Variants in PPP1R3A observed in about 807,000 individuals in gnomAD.
PPP1R3A encodes the protein protein phosphatase 1 regulatory subunit 3A.
In PPP1R3A, 29 loss-of-function variants were observed where a neutral mutation model predicts 41.7. The ratio of observed to expected loss-of-function variants is 0.70; its 90% CI spans 0.52 to 0.95. PPP1R3A has a LOEUF of 0.95. Ranked by LOEUF, PPP1R3A falls within the 40% of genes least tolerant of loss-of-function variation. The pLI is 0.00. For synonymous variants in PPP1R3A, 485 were observed against 453.4 expected (o/e 1.07, Z -0.89); for missense variants, 1,352 against 1,292.4 (o/e 1.05, Z -0.71).
intron 1 of PPP1R3A, among the ~76,000 whole-genome samples, chr7:113,884,021 A>G (rs780583649): frequency 1.2e-4 from 18 of 152,020 alleles, no homozygotes; most frequent in Non-Finnish European, 2.5e-4. Flanking sequence ...AGGGACAAGT[A>G]CAAATAAAAG....
chr7:113,918,161 T>G, intron 1 of PPP1R3A, 54 bp downstream of exon 1: 1 of 1,467,202 alleles, frequency 6.8e-7, no homozygotes, highest in Non-Finnish European at 9.2e-7. Context: ...AAATAAAGAA[T>G]GACATAAAAA....
chr7:113,878,103 A>T lies in PPP1R3A; in HGVS notation c.2989T>A (p.Phe997Ile). ...TCCACACTATACTCTTCTGTTTGGAAAATCTGGCCTATGCATCTTTCTTTT... is the reference window on the plus strand; with the variant it reads ...TCCACACTATACTCTTCTGTTTGGATAATCTGGCCTATGCATCTTTCTTTT... ...SRKERCIGQI[F>I]QTEEYSVEKS... Residue 997 changes from phenylalanine (F) to isoleucine (I), a missense_variant, in exon 4 of 4, where the codon TTC becomes ATC. Physicochemically the swap from Phe to Ile is conservative, Grantham distance 21 (BLOSUM62 0). Transcript: ENST00000284601. 1 of 1,613,408 alleles carries T rather than the reference A, an allele frequency of 6.2e-7. No homozygotes were observed. The highest frequency in any genetic ancestry group is 8.5e-7 in the Non-Finnish European group (1 of 1,179,664).
rs774031577 is a variant in PPP1R3A, at chr7:113,878,737, A to G, written c.2355T>C (p.Tyr785=). 6.2e-7 allele frequency: 1 copy of G among 1,613,426 alleles called. No homozygotes were observed. ...PHEGRNDDSH[Y]TLCQRDTVGV... is the part of the protein sequence containing the mutation. ...CTACTGTATCTCGTTGACAAAGGGT[A>G]TAATGTGAATCATCATTTCTCCCTT... is the stretch of plus-strand genomic sequence containing the variant. Residue 785 remains tyrosine (Y), a synonymous_variant, in exon 4 of 4, where the codon TAT becomes TAC. Transcript: ENST00000284601.
At position 113,918,844 on chromosome 7, in the gene PPP1R3A, G is replaced by C; in HGVS notation, c.153C>G (p.Asp51Glu). Reference protein sequence around the residue: ...PSRRGSDSSEDIYLDTPSSGT... With the variant: ...PSRRGSDSSEEIYLDTPSSGT... ...CTGAAGATGGGGTATCCAGGTATAT[G>C]TCTTCAGAAGAATCAGAACCTCGTC... Residue 51 changes from aspartate to glutamate, a missense_variant, in exon 1 of 4, where the codon GAC (aspartate) becomes GAG (glutamate). By Grantham distance (45) the Asp-to-Glu change is conservative. Coordinates refer to ENST00000284601, the MANE Select transcript of PPP1R3A (RefSeq NM_002711.4). The C allele has an allele frequency of 6.2e-7, 1 of 1,613,854 alleles. No individual in the cohort carries two copies.
In PPP1R3A at chr7:113,890,663, T is replaced by C. The variant is rs185917238; in HGVS notation, c.783-8343A>G. On this transcript the variant is annotated intron_variant, in intron 1 of 3. Coordinates refer to ENST00000284601, the MANE Select transcript of PPP1R3A (RefSeq NM_002711.4). ...AGGAAAGAAGAAACACATTGTAGAATAGACCAATCATCATCTGTGACTTAC... is the reference window on the plus strand; with the variant it reads ...AGGAAAGAAGAAACACATTGTAGAACAGACCAATCATCATCTGTGACTTAC... Among the ~76,000 whole-genome samples the C allele has an allele frequency of 2.8e-4, 42 of 152,192 alleles. No homozygotes were observed. In the East Asian group the frequency reaches 7.4e-3, roughly 27 times the overall value.
At chr7:113,899,750 T>A (rs1277730499) in intron 1 of PPP1R3A, among the ~76,000 whole-genome samples, 4 of 151,838 alleles carry the variant, frequency 2.6e-5, no homozygotes, top group African/African-American at 9.7e-5. Context: ...GTCTTTGTAG[T>A]TGGATCTGGG....
At chr7:113,892,344 G>T (rs1796905930) in intron 1 of PPP1R3A, among the ~76,000 whole-genome samples, 2 of 151,992 alleles carry the variant, frequency 1.3e-5, no homozygotes, top group African/African-American at 4.8e-5. Flanking sequence ...TTTTCCAAGG[G>T]TAAATAATTA....
chr7:113,911,526 A>C (rs1343306997), intron 1 of PPP1R3A, among the ~76,000 whole-genome samples: 2 of 152,114 alleles, frequency 1.3e-5, no homozygotes, highest in Non-Finnish European at 2.9e-5. Context: ...AATTGTGTGC[A>C]ATCAACTCAG....
At position 113,878,431 on chromosome 7, in the gene PPP1R3A, T is replaced by C. The variant is rs1478044959; in HGVS notation, c.2661A>G (p.Glu887=). Residue 887 remains glutamate (E), a synonymous_variant, in exon 4 of 4, where the codon GAA becomes GAG. Coordinates refer to ENST00000284601, the MANE Select transcript of PPP1R3A (RefSeq NM_002711.4). Reference sequence around the variant, plus strand: ...CATCCGAGTCTGTTTTCTTTGATAATTCTTGAACCTGCCTAAGATCTCTGT... The same window carrying C: ...CATCCGAGTCTGTTTTCTTTGATAACTCTTGAACCTGCCTAAGATCTCTGT... The part of the protein sequence containing the change: ...SENRDLRQVQ[E]LSKKTDSDAI... 6.8e-6 allele frequency: 11 copies of C among 1,611,954 alleles called. No homozygotes were observed. The highest frequency in any genetic ancestry group is 6.8e-6 in the Non-Finnish European group (8 of 1,179,658).
At chr7:113,896,814 C>A (rs1276438174) in intron 1 of PPP1R3A, among the ~76,000 whole-genome samples, 4 of 151,684 alleles carry the variant, frequency 2.6e-5, no homozygotes, top group African/African-American at 9.7e-5. Flanking sequence ...ATTATATTGG[C>A]ATTTTGCATT....
Position 113,918,218 on chromosome 7 carries a change from G to C in PPP1R3A, c.779C>G (p.Ser260Ter). 6.3e-7 allele frequency: 1 copy of C among 1,597,670 alleles called. No homozygotes were observed. Among genetic ancestry groups the C allele is most frequent in the Non-Finnish European group, 8.5e-7 (1 of 1,174,446 alleles). The change falls in exon 1 of 4, where the codon TCA becomes TGA. Residue 260 changes from serine to a stop codon, truncating the protein, a stop_gained. Transcript: ENST00000284601. LOFTEE classifies it high-confidence loss of function. Reference sequence around the variant, plus strand: ...AATATGTAAGATATATCCTCACCTTGATTTTACCTTTAAGCAGCCTTTTAT... The same window carrying C: ...AATATGTAAGATATATCCTCACCTTCATTTTACCTTTAAGCAGCCTTTTAT... The part of the protein sequence containing the change: ...RQIKGCLKVK[S>*]SKEESSVTSE...
intron 1 of PPP1R3A, among the ~76,000 whole-genome samples, chr7:113,900,813 T>G (rs1797049666): frequency 6.7e-6 from 1 of 149,410 alleles, no homozygotes; most frequent in African/African-American, 2.4e-5. Context: ...TATATACTCC[T>G]AATTTTATAA....
At chr7:113,891,132 A>G (rs1006712245) in intron 1 of PPP1R3A, among the ~76,000 whole-genome samples, 3 of 147,638 alleles carry the variant, frequency 2.0e-5, no homozygotes, top group African/African-American at 7.6e-5. Context: ...TGCAAATCTC[A>G]GTATTTCCGG....
intron 1 of PPP1R3A, among the ~76,000 whole-genome samples, chr7:113,888,151 T>C (rs1031397191): frequency 6.6e-6 from 1 of 152,050 alleles, no homozygotes; most frequent in Non-Finnish European, 1.5e-5. Context: ...CAAGCCAGAT[T>C]GTAAAGGGCT....
rs188043541 is a variant in PPP1R3A, at chr7:113,917,249, G to A, written c.782+966C>T. Among the ~76,000 whole-genome samples, 481 of 151,964 alleles carry A rather than the reference G, an allele frequency of 3.2e-3. 1 individual carries two copies. Among genetic ancestry groups the A allele is most frequent in the South Asian group, 4.6e-3 (22 of 4,814 alleles). On this transcript the variant is annotated intron_variant, in intron 1 of 3. Transcript: ENST00000284601. Reference sequence around the variant, plus strand: ...AGTTACCAAAATCCTTGGGTTTAGGGACAGTTAAGATGGACCACTCAGAGG... The same window carrying A: ...AGTTACCAAAATCCTTGGGTTTAGGAACAGTTAAGATGGACCACTCAGAGG...
At chr7:113,894,034 C>T (rs1796938008) in intron 1 of PPP1R3A, among the ~76,000 whole-genome samples, 2 of 151,754 alleles carry the variant, frequency 1.3e-5, no homozygotes, top group South Asian at 2.1e-4. Flanking sequence ...CTAGCTCACC[C>T]CAAAGGAAAT....
intron 1 of PPP1R3A, among the ~76,000 whole-genome samples, chr7:113,903,424 C>T (rs184803212): frequency 6.9e-4 from 104 of 151,668 alleles, no homozygotes; most frequent in African/African-American, 2.2e-3. Context: ...CACAGCAACA[C>T]GTATAGACAA....
Position 113,878,928 on chromosome 7 carries a change from T to C in PPP1R3A, c.2164A>G (p.Thr722Ala), listed in dbSNP as rs768031052. The change falls in exon 4 of 4, where the codon ACT becomes GCT. Residue 722 changes from threonine (T) to alanine (A), a missense_variant. Coordinates refer to ENST00000284601, the MANE Select transcript of PPP1R3A (RefSeq NM_002711.4). ...GCTGTACCAGCTTCTGCTTTCTCAG[T>C]AATGCCATGATCAGCTAGAGAAGAC... is the stretch of plus-strand genomic sequence containing the variant. ...ELSSLADHGI[T>A]EKAEAGTAYI... 3.1e-6 allele frequency: 5 copies of C among 1,613,234 alleles called. No homozygotes were observed. The Admixed American group carries it at 8.3e-5, about 27-fold the overall frequency.
rs747269843 is a variant in PPP1R3A, at chr7:113,890,491, A to C, written c.783-8171T>G. On this transcript the variant is annotated intron_variant, in intron 1 of 3. Coordinates refer to ENST00000284601, the MANE Select transcript of PPP1R3A (RefSeq NM_002711.4). ...CTTGTCTAACTACATATATTAAAAA[A>C]GAATATCTGCAGACAGACACTCAGA... Among the ~76,000 whole-genome samples, 109 of 152,186 alleles carry C rather than the reference A, an allele frequency of 7.2e-4. 1 individual carries two copies. The highest frequency in any genetic ancestry group is 2.5e-4 in the Non-Finnish European group (17 of 68,042).
Sources: allele counts gnomAD v4.1 joint callset (sites outside exome capture counted in the v4.1 genomes callset), GRCh38; gene constraint gnomAD v4.1.1; transcripts MANE v1.5; gene names NCBI Gene and HGNC (gene_info 2026-07-23, HGNC 2026-07-21).